LNX1: variants seen among roughly 807,000 people sequenced by gnomAD.
The protein encoded by LNX1 is E3 ubiquitin-protein ligase LNX.
A neutral mutation model predicts 68.4 loss-of-function variants in LNX1; 54 were observed. That is an observed-to-expected ratio of 0.79 (90% CI 0.63 to 0.99). The LOEUF (loss-of-function observed/expected upper bound fraction) is 0.99, where lower values mean the gene tolerates loss of function less well. LNX1 is among the 50% of genes least tolerant of loss of function. The probability of loss-of-function intolerance (pLI) is 0.00; values close to 1 mark genes in which losing one functional copy is unlikely to be tolerated. For synonymous variants in LNX1, 336 were observed against 350.0 expected, an observed-to-expected ratio of 0.96 and a Z score of 0.45; for missense variants, 906 against 926.4, an observed-to-expected ratio of 0.98 and a Z score of 0.29.
At chr4:53,481,531 C>T (rs149775399) in intron 7 of LNX1, among the ~76,000 whole-genome samples, 189 bp downstream of exon 7, 1 of 152,314 alleles carries the variant, frequency 6.6e-6, no homozygotes, top group Non-Finnish European at 1.5e-5. Context: ...TTCTTCTCTC[C>T]TGCTTGGATG....
At chr4:53,610,690 A>G (rs1733450120) in intron 2 of LNX1, among the ~76,000 whole-genome samples, 2 of 149,062 alleles carry the variant, frequency 1.3e-5, no homozygotes, top group South Asian at 2.2e-4. Context: ...CCTGGGCGAC[A>G]GAGCAAGACT....
chr4:53,518,726 A>T (rs1228574187), intron 2 of LNX1, among the ~76,000 whole-genome samples: 2 of 152,218 alleles, frequency 1.3e-5, no homozygotes, highest in Admixed American at 1.3e-4. Context: ...GAAGGCAGAG[A>T]GAACTTTAAT....
At chr4:53,532,668 G>A (rs1728100837) in intron 2 of LNX1, among the ~76,000 whole-genome samples, 1 of 152,154 alleles carries the variant, frequency 6.6e-6, no homozygotes, top group Non-Finnish European at 1.5e-5. Context: ...CATTTGGAGA[G>A]GAAGTTCCAA....
At chr4:53,467,054 G>A (rs1019679652) in intron 9 of LNX1, among the ~76,000 whole-genome samples, 1 of 152,168 alleles carries the variant, frequency 6.6e-6, no homozygotes, top group African/African-American at 2.4e-5. Flanking sequence ...CCTCAAGTGT[G>A]TCCCTGACCC....
At chr4:53,581,408 T>C (rs1226916330) in intron 1 of LNX1, among the ~76,000 whole-genome samples, 1 of 152,184 alleles carries the variant, frequency 6.6e-6, no homozygotes, top group Non-Finnish European at 1.5e-5. Flanking sequence ...AACACACTCA[T>C]CATTTTTTCC....
chr4:53,611,956 G>A (rs2590793), intron 2 of LNX1, among the ~76,000 whole-genome samples: 32,501 of 151,922 alleles, frequency 0.21, 3,939 homozygotes, highest in Admixed American at 0.3. Context: ...AGTAGACCAT[G>A]GTAGATTTGA....
intron 6 of LNX1, among the ~76,000 whole-genome samples, chr4:53,495,605 C>G (rs376258638): frequency 1.4e-5 from 2 of 143,416 alleles, no homozygotes; most frequent in Admixed American, 7.2e-5. Flanking sequence ...TGCAGTGGCA[C>G]GATCTCAGCT....
chr4:53,481,714 C>A lies in LNX1; in HGVS notation c.1485+6G>T. 1.2e-6 allele frequency: 2 copies of A among 1,612,942 alleles called. No homozygotes were observed. Among genetic ancestry groups the A allele is most frequent in the Non-Finnish European group, 8.5e-7 (1 of 1,179,342 alleles). On this transcript the variant is annotated splice_donor_region_variant and intron_variant, in intron 7 of 10. Coordinates refer to ENST00000263925, the MANE Select transcript of LNX1 (RefSeq NM_001126328.3). ...AGGAGCAGGCGACCTGCCCTAGAGG[C>A]CTCACCTTGGGAGTGTTGCTCCTCT...
At chr4:53,495,174 G>C (rs1323209166) in intron 6 of LNX1, among the ~76,000 whole-genome samples, 2 of 152,148 alleles carry the variant, frequency 1.3e-5, no homozygotes, top group East Asian at 3.9e-4. Flanking sequence ...GGATCTCTCT[G>C]TATTATTTCT....
chr4:53,620,893 C>CA (rs1424452828), upstream of LNX1, among the ~76,000 whole-genome samples: 2 of 152,104 alleles, frequency 1.3e-5, no homozygotes, highest in Non-Finnish European at 2.9e-5. Context: ...AGCTTCCCTG[C>CA]AAAAATGACT....
chr4:53,538,357 C>A (rs1728517453), intron 2 of LNX1, among the ~76,000 whole-genome samples: 1 of 152,208 alleles, frequency 6.6e-6, no homozygotes, highest in South Asian at 2.1e-4. Flanking sequence ...GCAGCAGAGT[C>A]TTCTGCTACC....
chr4:53,623,206 C>CT (rs34868847), intron 1 of LNX1, among the ~76,000 whole-genome samples: 59,986 of 142,218 alleles, frequency 0.42, 12,609 homozygotes, highest in Admixed American at 0.45. Context: ...GAGAGCAATT[C>CT]TTTTTTTTTT....
At chr4:53,472,869 G>T (rs909502738) in intron 9 of LNX1, among the ~76,000 whole-genome samples, 19 of 152,048 alleles carry the variant, frequency 1.2e-4, no homozygotes, top group African/African-American at 3.9e-4. Context: ...ATATTGTGCT[G>T]TGTTGTAAAG....
intron 1 of LNX1, among the ~76,000 whole-genome samples, chr4:53,637,995 A>T (rs1734544540): frequency 6.6e-6 from 1 of 152,196 alleles, no homozygotes; most frequent in Admixed American, 6.5e-5. Flanking sequence ...AGAAGAAATG[A>T]TTTATCACTG....
intron 1 of LNX1, among the ~76,000 whole-genome samples, chr4:53,582,794 C>G (rs1287928701): frequency 6.6e-6 from 1 of 151,932 alleles, no homozygotes; most frequent in African/African-American, 2.4e-5. Context: ...TAGTTTCAAA[C>G]TGGTCACTGG....
chr4:53,572,800 T>A (rs377224217), intron 2 of LNX1, among the ~76,000 whole-genome samples: 1 of 152,136 alleles, frequency 6.6e-6, no homozygotes, highest in East Asian at 1.9e-4. Flanking sequence ...TGTGTGTGTG[T>A]GGGTGTGTGT....
intron 2 of LNX1, among the ~76,000 whole-genome samples, chr4:53,610,693 G>T (rs1733450264): frequency 7.9e-6 from 1 of 126,092 alleles, no homozygotes; most frequent in South Asian, 2.8e-4. Context: ...GGGCGACAGA[G>T]CAAGACTCCC....
intron 2 of LNX1, among the ~76,000 whole-genome samples, chr4:53,537,606 T>G (rs1728461541): frequency 6.6e-6 from 1 of 152,224 alleles, no homozygotes; most frequent in Non-Finnish European, 1.5e-5. Context: ...TAGTGTGACT[T>G]TGCATCAAAC....
chr4:53,552,467 C>T (rs980918278), intron 2 of LNX1, among the ~76,000 whole-genome samples: 3 of 152,160 alleles, frequency 2.0e-5, no homozygotes, highest in African/African-American at 7.2e-5. Context: ...GTGTGGAGAA[C>T]GAAATGCACC....
Sources: gnomAD v4.1 joint callset for allele counts (sites outside exome capture counted in the v4.1 genomes callset) on GRCh38, gnomAD v4.1.1 for gene constraint, MANE v1.5 for transcripts, NCBI Gene and HGNC (gene_info 2026-07-23, HGNC 2026-07-21) for gene names.